Variants in TBC1D5 observed in about 807,000 individuals in gnomAD.
TBC1D5 encodes TBC1 domain family, member 5.
A neutral mutation model predicts 100.3 loss-of-function variants in TBC1D5; 75 were observed. The ratio of observed to expected loss-of-function variants is 0.75; its 90% CI spans 0.62 to 0.91. The LOEUF (loss-of-function observed/expected upper bound fraction) is 0.91. Among genes scored for constraint, TBC1D5 ranks in the 40% least tolerant of loss-of-function variants. The probability of loss-of-function intolerance (pLI) is 0.00; values close to 1 mark genes in which losing one functional copy is unlikely to be tolerated. For synonymous variants in TBC1D5, 323 were observed against 325.6 expected (o/e 0.99, Z 0.09); for missense variants, 910 against 942.4 (o/e 0.97, Z 0.45).
At chr3:17,460,720 G>C (rs970043044) in intron 3 of TBC1D5, among the ~76,000 whole-genome samples, 2 of 150,896 alleles carry the variant, frequency 1.3e-5, no homozygotes, top group Non-Finnish European at 1.5e-5. Context: ...TGCCAAAAAA[G>C]GATGCAACAC....
chr3:17,367,828 CA>C (rs1387220296), intron 13 of TBC1D5, among the ~76,000 whole-genome samples: 1 of 151,272 alleles, frequency 6.6e-6, no homozygotes, highest in Non-Finnish European at 1.5e-5. Context: ...CACTGCACAC[CA>C]GCCTAGGCAA....
intron 15 of TBC1D5, among the ~76,000 whole-genome samples, chr3:17,260,165 T>C (rs1426676865): frequency 6.6e-6 from 1 of 152,192 alleles, no homozygotes; most frequent in Admixed American, 6.5e-5. Context: ...ATTTTAAAAA[T>C]TAACTTTCGC....
At chr3:17,399,605 C>A (rs1329002319) in intron 8 of TBC1D5, among the ~76,000 whole-genome samples, 3 of 152,058 alleles carry the variant, frequency 2.0e-5, no homozygotes, top group Non-Finnish European at 4.4e-5. Flanking sequence ...TCCACCTTTG[C>A]CCCACTGCAC....
At chr3:17,244,089 TGA>T (rs2076531138) in intron 16 of TBC1D5, among the ~76,000 whole-genome samples, 1 of 152,082 alleles carries the variant, frequency 6.6e-6, no homozygotes, top group Admixed American at 6.6e-5. Context: ...GTTAAAAAAG[TGA>T]GTTACAAAAG....
rs116256131 is a variant in TBC1D5, at chr3:17,225,509, A to C, written c.1589-11139T>G. On this transcript the variant is annotated intron_variant, in intron 17 of 21. Coordinates refer to ENST00000253692, the Ensembl canonical transcript of TBC1D5. ...CAACACAAATAGTACAAATAAAAATACAGTATAACAGGCTGGGTGCAGTGT... is the reference window on the plus strand; with the variant it reads ...CAACACAAATAGTACAAATAAAAATCCAGTATAACAGGCTGGGTGCAGTGT... Among the ~76,000 whole-genome samples the C allele has an allele frequency of 5.5e-3, 840 of 151,808 alleles. 13 individuals are homozygous for C. The highest frequency in any genetic ancestry group is 0.019 in the African/African-American group (804 of 41,358).
chr3:17,351,495 C>T (rs532629234), intron 13 of TBC1D5, among the ~76,000 whole-genome samples: 11 of 152,144 alleles, frequency 7.2e-5, no homozygotes, highest in African/African-American at 1.2e-4. Context: ...AACCAAACAC[C>T]GCATGTTCTC....
At chr3:17,211,547 AGTT>A (rs1436022759) in intron 18 of TBC1D5, among the ~76,000 whole-genome samples, 2 of 152,182 alleles carry the variant, frequency 1.3e-5, no homozygotes, top group Admixed American at 1.3e-4. Flanking sequence ...GCTTCTGACC[AGTT>A]GTCATGTCTT....
At chr3:17,183,888 T>C (rs2068726185) in intron 19 of TBC1D5, among the ~76,000 whole-genome samples, 1 of 152,212 alleles carries the variant, frequency 6.6e-6, no homozygotes, top group South Asian at 2.1e-4. Context: ...CTCTTTGGTT[T>C]CTCCTCACAG....
rs753471747 is a variant in TBC1D5, at chr3:17,404,699, C to A, written c.436G>T (p.Glu146Ter). 2.1e-5 allele frequency: 33 copies of A among 1,604,290 alleles called. No homozygotes were observed. In the South Asian group the frequency reaches 3.6e-4, roughly 17 times the overall value. ...TGAACAAAGACGAACTTTACCCCTT[C>A]ATCCTGTGAAAGAGGATTATTGATC... Residue 146 changes from glutamate to a stop codon, truncating the protein, a stop_gained, in exon 7 of 22, where the codon GAA (glutamate) becomes TAA (stop). Transcript: ENST00000253692. LOFTEE classifies it high-confidence loss of function.
intron 1 of TBC1D5, among the ~76,000 whole-genome samples, chr3:17,696,362 TAAA>T (rs1249700286): frequency 6.6e-6 from 1 of 151,590 alleles, no homozygotes; most frequent in East Asian, 1.9e-4. Flanking sequence ...GCAAGACTAA[TAAA>T]GAAGAAAGGA....
intron 1 of TBC1D5, among the ~76,000 whole-genome samples, chr3:17,628,271 G>A (rs755915444): frequency 1.3e-5 from 2 of 151,830 alleles, no homozygotes; most frequent in Non-Finnish European, 2.9e-5. Flanking sequence ...TTGTGAGGCC[G>A]GGCAGGGGAA....
intron 3 of TBC1D5, among the ~76,000 whole-genome samples, chr3:17,472,892 A>G (rs939134708): frequency 1.3e-5 from 2 of 152,246 alleles, no homozygotes; most frequent in African/African-American, 4.8e-5. Context: ...AAATATTAAC[A>G]TTAATGCCAT....
chr3:17,194,447 A>T (rs2070379389), intron 18 of TBC1D5, among the ~76,000 whole-genome samples: 1 of 152,242 alleles, frequency 6.6e-6, no homozygotes, highest in South Asian at 2.1e-4. Flanking sequence ...GCTAATTCTT[A>T]GACCATTAGA....
intron 2 of TBC1D5, among the ~76,000 whole-genome samples, chr3:17,555,003 C>G (rs910337791): frequency 1.1e-4 from 16 of 152,054 alleles, no homozygotes; most frequent in Admixed American, 7.9e-4. Flanking sequence ...GCACGTGCCA[C>G]CACGTCCAGC....
At chr3:17,395,937 T>C (rs1044750141) in intron 8 of TBC1D5, among the ~76,000 whole-genome samples, 1 of 152,124 alleles carries the variant, frequency 6.6e-6, no homozygotes, top group Non-Finnish European at 1.5e-5. Flanking sequence ...TAAATATACA[T>C]ATGCAATAGT....
intron 18 of TBC1D5, among the ~76,000 whole-genome samples, chr3:17,203,033 T>C (rs1440191297): frequency 6.6e-6 from 1 of 152,054 alleles, no homozygotes; most frequent in African/African-American, 2.4e-5. Flanking sequence ...TATTGACAGC[T>C]TGTACTGTGT....
chr3:17,220,958 T>C (rs2074215828), intron 17 of TBC1D5, among the ~76,000 whole-genome samples: 1 of 152,202 alleles, frequency 6.6e-6, no homozygotes, highest in East Asian at 1.9e-4. Context: ...GATTATTGAC[T>C]TATACCCCTC....
At chr3:17,678,452 G>C (rs187680102) in intron 1 of TBC1D5, among the ~76,000 whole-genome samples, 2 of 152,158 alleles carry the variant, frequency 1.3e-5, no homozygotes, top group Admixed American at 1.3e-4. Context: ...GGACAAAAAA[G>C]TGGAAGTGGA....
intron 2 of TBC1D5, among the ~76,000 whole-genome samples, chr3:17,585,647 C>G (rs528605710): frequency 6.6e-6 from 1 of 152,126 alleles, no homozygotes; most frequent in Non-Finnish European, 1.5e-5. Context: ...TTTACTCTCC[C>G]AACAAATCAG....
Sources: gnomAD v4.1 joint callset for allele counts (sites outside exome capture counted in the v4.1 genomes callset) on GRCh38, gnomAD v4.1.1 for gene constraint, MANE v1.5 for transcripts, NCBI Gene and HGNC (gene_info 2026-07-23, HGNC 2026-07-21) for gene names.